MSI2: variants seen among roughly 807,000 people sequenced by gnomAD.
MSI2 encodes the protein RNA-binding protein Musashi homolog 2.
In MSI2, 17 loss-of-function variants were observed where a neutral mutation model predicts 45.6. That is an observed-to-expected ratio of 0.37 (90% CI 0.26 to 0.56). The LOEUF (loss-of-function observed/expected upper bound fraction) is 0.56. MSI2 is among the 20% of genes least tolerant of loss of function. The pLI, the probability that MSI2 is intolerant of heterozygous loss-of-function variation, is 0.77. For missense variants in MSI2, 293 were observed against 444.2 expected (o/e 0.66, Z 3.06); for synonymous variants, 156 against 158.2 (o/e 0.99, Z 0.11).
intron 7 of MSI2, among the ~76,000 whole-genome samples, chr17:57,580,433 G>A (rs2088170038): frequency 6.6e-6 from 1 of 152,134 alleles, no homozygotes; most frequent in Non-Finnish European, 1.5e-5. Flanking sequence ...GGAAACCCCG[G>A]GTGAGGCCTG....
chr17:57,648,564 T>C (rs1250652044), intron 10 of MSI2, among the ~76,000 whole-genome samples: 1 of 152,106 alleles, frequency 6.6e-6, no homozygotes, highest in Non-Finnish European at 1.5e-5. Flanking sequence ...CTTCACACAT[T>C]GGCCAGGGAA....
Position 57,596,526 on chromosome 17 carries a change from C to T in MSI2, c.455-342C>T, listed in dbSNP as rs2144453460. Among the ~76,000 whole-genome samples, 1 of 152,352 alleles carries T rather than the reference C, an allele frequency of 6.6e-6. No individual in the cohort carries two copies. ...CGTGGCCCCGCAGTGATCCACGAGG[C>T]TCTGGTTAGCCCACCCGCCTGCTGC... is the stretch of plus-strand genomic sequence containing the variant. On this transcript the variant is annotated intron_variant, in intron 7 of 13. Coordinates refer to ENST00000284073, the MANE Select transcript of MSI2 (RefSeq NM_138962.4). This position sits in a 1 kb window ranked among gnomAD's most constrained non-coding sequence, Gnocchi z 4.6.
chr17:57,334,180 A>G (rs1914507002), intron 5 of MSI2, among the ~76,000 whole-genome samples: 1 of 152,204 alleles, frequency 6.6e-6, no homozygotes, highest in Non-Finnish European at 1.5e-5. Flanking sequence ...TTGAAATAAG[A>G]TAACCAAAGT....
At position 57,554,381 on chromosome 17, in the gene MSI2, A is replaced by G. The variant is rs921695317; in HGVS notation, c.454+24657A>G. ...TCACCCTCCATCAAGTAGAAGGAAC[A>G]GCTGAGAGCCGCCAGCATCTGCCGC... is the stretch of plus-strand genomic sequence containing the variant. On this transcript the variant is annotated intron_variant, in intron 7 of 13. Transcript: ENST00000284073. Among the ~76,000 whole-genome samples the G allele has an allele frequency of 2.6e-5, 4 of 152,188 alleles. No individual in the cohort carries two copies. The South Asian group carries it at 8.3e-4, about 32-fold the overall frequency.
chr17:57,495,829 C>A (rs2085968824), intron 6 of MSI2, among the ~76,000 whole-genome samples: 1 of 152,216 alleles, frequency 6.6e-6, no homozygotes, highest in South Asian at 2.1e-4. Context: ...TTGAAGAGAT[C>A]GGCTGCTGTC....
intron 6 of MSI2, among the ~76,000 whole-genome samples, chr17:57,430,225 T>C (rs11652711): frequency 0.18 from 27,132 of 152,204 alleles, 2,702 homozygotes; most frequent in East Asian, 0.24. Context: ...GAAGTGATGC[T>C]CTTTTGATGG....
intron 6 of MSI2, among the ~76,000 whole-genome samples, chr17:57,428,376 C>T (rs2084532986): frequency 6.6e-6 from 1 of 151,982 alleles, no homozygotes; most frequent in Non-Finnish European, 1.5e-5. Flanking sequence ...GCATGAGCCA[C>T]CCCACCTGGC....
intron 5 of MSI2, among the ~76,000 whole-genome samples, chr17:57,309,987 G>A (rs1157838455): frequency 2.6e-5 from 4 of 152,224 alleles, no homozygotes; most frequent in African/African-American, 9.6e-5. Context: ...AGGGGCTGGG[G>A]AGTATGAAGG....
chr17:57,434,069 C>T (rs893221365), intron 6 of MSI2, among the ~76,000 whole-genome samples: 2 of 152,156 alleles, frequency 1.3e-5, no homozygotes, highest in Non-Finnish European at 2.9e-5. Flanking sequence ...ACTTCACATA[C>T]TTATCATTTC....
chr17:57,353,252 T>C (rs1916166096), intron 5 of MSI2, among the ~76,000 whole-genome samples: 1 of 152,332 alleles, frequency 6.6e-6, no homozygotes, highest in East Asian at 1.9e-4. Context: ...ACTGACCAAA[T>C]GGGAGTGGGT....
intron 13 of MSI2, 70 bp from the exon 14 acceptor site, chr17:57,679,479 T>A (rs4793560): frequency 2.3e-6 from 2 of 855,294 alleles, no homozygotes; most frequent in East Asian, 1.3e-4. Flanking sequence ...TGTCTGACAC[T>A]TCTTTCTCCT....
chr17:57,426,352 A>C (rs149133517), intron 6 of MSI2, among the ~76,000 whole-genome samples: 2 of 152,262 alleles, frequency 1.3e-5, no homozygotes, highest in Admixed American at 6.5e-5. Context: ...TTGTTATTTA[A>C]ATTTTGCATT....
At chr17:57,657,212 A>AC (rs1313848853) in intron 11 of MSI2, among the ~76,000 whole-genome samples, 3 of 152,326 alleles carry the variant, frequency 2.0e-5, no homozygotes, top group East Asian at 1.9e-4. Context: ...ATCGGAATGA[A>AC]CAAGGATTGA....
At chr17:57,561,856 T>A (rs1453200278) in intron 7 of MSI2, among the ~76,000 whole-genome samples, 1 of 152,190 alleles carries the variant, frequency 6.6e-6, no homozygotes, top group Non-Finnish European at 1.5e-5. Context: ...GGCCCCATTT[T>A]AAAGATGAGG....
chr17:57,540,535 G>A (rs935394485), intron 7 of MSI2, among the ~76,000 whole-genome samples: 8 of 152,222 alleles, frequency 5.3e-5, no homozygotes, highest in Non-Finnish European at 1.0e-4. Context: ...TTTAGAAAGA[G>A]GGTCTTTGGA....
intron 7 of MSI2, among the ~76,000 whole-genome samples, chr17:57,541,228 T>C (rs561437415): frequency 6.6e-6 from 1 of 152,164 alleles, no homozygotes; most frequent in Admixed American, 6.5e-5. Flanking sequence ...CCTGCAGGGC[T>C]CAGTCATTTC....
chr17:57,689,235 T>G (rs1913938343), downstream of MSI2, among the ~76,000 whole-genome samples: 1 of 152,108 alleles, frequency 6.6e-6, no homozygotes, highest in African/African-American at 2.4e-5. Flanking sequence ...AATAGTATGT[T>G]CTCTCTCTCT....
chr17:57,646,974 A>C (rs12941821), intron 10 of MSI2, among the ~76,000 whole-genome samples: 24,502 of 152,070 alleles, frequency 0.16, 2,259 homozygotes, highest in East Asian at 0.33. Context: ...TTACTAACAT[A>C]TGATAGGTAT....
chr17:57,276,740 T>G (rs1260505805), intron 5 of MSI2, among the ~76,000 whole-genome samples: 1 of 152,178 alleles, frequency 6.6e-6, no homozygotes, highest in Non-Finnish European at 1.5e-5. Context: ...AAAAGGGCCA[T>G]GACTCATTTC....
Sources: gnomAD v4.1 joint callset for allele counts (sites outside exome capture counted in the v4.1 genomes callset) on GRCh38, gnomAD v4.1.1 for gene constraint, Gnocchi (gnomAD v3.1) non-coding constraint, MANE v1.5 for transcripts, NCBI Gene and HGNC (gene_info 2026-07-23, HGNC 2026-07-21) for gene names.